RGS6: variants seen among roughly 807,000 people sequenced by gnomAD.
The protein encoded by RGS6 is regulator of G protein signaling 6, also known as regulator of G-protein signaling 6.
A neutral mutation model predicts 78.5 loss-of-function variants in RGS6; 30 were observed. That is an observed-to-expected ratio of 0.38 (90% confidence interval 0.29 to 0.52). RGS6 has a LOEUF of 0.52. Ranked by LOEUF, RGS6 falls within the 20% of genes least tolerant of loss-of-function variation. RGS6 has a pLI of 0.85. For synonymous variants in RGS6, 206 were observed against 206.0 expected (o/e 1.00, Z 0.00); for missense variants, 495 against 609.7 (o/e 0.81, Z 1.98).
chr14:72,567,877 C>T (rs1034646696), downstream of RGS6, among the ~76,000 whole-genome samples: 8 of 152,230 alleles, frequency 5.3e-5, no homozygotes, highest in African/African-American at 1.7e-4. Context: ...GTGGGACTTC[C>T]GACACCTGCA....
intron 2 of RGS6, among the ~76,000 whole-genome samples, chr14:72,136,411 T>C (rs1448883351): frequency 6.6e-6 from 1 of 151,832 alleles, no homozygotes; most frequent in Non-Finnish European, 1.5e-5. Flanking sequence ...GACTGGGTAA[T>C]TTAAAAGGAA....
At chr14:71,949,056 C>G (rs909553114) in intron 1 of RGS6, among the ~76,000 whole-genome samples, 2 of 152,076 alleles carry the variant, frequency 1.3e-5, no homozygotes, top group African/African-American at 4.8e-5. Context: ...ATTCCACAAA[C>G]TATTCATCTA....
the RGS6 span, among the ~76,000 whole-genome samples, chr14:72,572,446 A>G: frequency 6.6e-6 from 1 of 152,262 alleles, no homozygotes; most frequent in African/African-American, 2.4e-5. Flanking sequence ...TATTCATACC[A>G]TGGAATATTA....
intron 3 of RGS6, among the ~76,000 whole-genome samples, chr14:72,355,719 A>C (rs563731033): frequency 3.0e-4 from 46 of 152,284 alleles, no homozygotes; most frequent in South Asian, 1.9e-3. Flanking sequence ...GAAGTGTTGG[A>C]GTGTTGCAGC....
chr14:72,128,265 A>G (rs562333851), intron 2 of RGS6, among the ~76,000 whole-genome samples: 39 of 152,348 alleles, frequency 2.6e-4, no homozygotes, highest in African/African-American at 9.4e-4. Context: ...TTGATTTCAT[A>G]AATATATTCT....
chr14:72,443,735 G>A (rs182603779), intron 3 of RGS6, among the ~76,000 whole-genome samples: 36 of 152,288 alleles, frequency 2.4e-4, no homozygotes, highest in South Asian at 4.1e-4. Flanking sequence ...CCAGAAATAT[G>A]CTCAGCTGCC....
intron 14 of RGS6, among the ~76,000 whole-genome samples, chr14:72,518,124 A>T (rs1455124235): frequency 2.0e-5 from 3 of 152,256 alleles, no homozygotes; most frequent in Non-Finnish European, 4.4e-5. Context: ...TCTGATAACG[A>T]GAAGCACATT....
At chr14:72,368,643 C>A (rs1009933437) in intron 3 of RGS6, among the ~76,000 whole-genome samples, 3 of 152,200 alleles carry the variant, frequency 2.0e-5, no homozygotes, top group African/African-American at 4.8e-5. Context: ...CCAATTCTAT[C>A]TCTTTCTCAC....
intron 2 of RGS6, among the ~76,000 whole-genome samples, chr14:72,220,586 A>G (rs2046638018): frequency 1.3e-5 from 2 of 152,082 alleles, no homozygotes; most frequent in South Asian, 4.1e-4. Context: ...ATTTTGGGAA[A>G]CTCAAGTGGC....
chr14:72,011,824 G>A (rs1026277771), intron 2 of RGS6, among the ~76,000 whole-genome samples: 3 of 152,078 alleles, frequency 2.0e-5, no homozygotes, highest in Non-Finnish European at 4.4e-5. Flanking sequence ...AGGGGTGACT[G>A]TAACTTATTT....
At chr14:72,130,528 G>A (rs1050860833) in intron 2 of RGS6, among the ~76,000 whole-genome samples, 2 of 152,032 alleles carry the variant, frequency 1.3e-5, no homozygotes, top group Admixed American at 1.3e-4. Context: ...CAGCTCAAAG[G>A]GGTTCATTAT....
At chr14:71,948,875 A>G (rs2091944556) in intron 1 of RGS6, among the ~76,000 whole-genome samples, 1 of 150,318 alleles carries the variant, frequency 6.7e-6, no homozygotes, top group African/African-American at 2.4e-5. Context: ...GATTTCTAAC[A>G]CTGTAACTTT....
chr14:71,882,654 G>A, the RGS6 span, among the ~76,000 whole-genome samples: 1 of 152,142 alleles, frequency 6.6e-6, no homozygotes, highest in Admixed American at 6.5e-5. Flanking sequence ...CATTACAATG[G>A]TTCTTGCCCA....
intron 2 of RGS6, among the ~76,000 whole-genome samples, chr14:72,225,306 A>C (rs2047855515): frequency 6.6e-6 from 1 of 152,136 alleles, no homozygotes; most frequent in African/African-American, 2.4e-5. Context: ...ATTTTTAAAA[A>C]AACATTCACT....
intron 2 of RGS6, among the ~76,000 whole-genome samples, chr14:72,326,905 C>G (rs1005195724): frequency 2.0e-5 from 3 of 152,140 alleles, no homozygotes; most frequent in Admixed American, 6.5e-5. Context: ...GATGGGGTTT[C>G]ACTGTGTTAG....
At chr14:71,984,875 GTAA>G (rs2094624687) in intron 2 of RGS6, among the ~76,000 whole-genome samples, 2 of 151,968 alleles carry the variant, frequency 1.3e-5, no homozygotes, top group Non-Finnish European at 2.9e-5. Context: ...CATTTAAAAA[GTAA>G]TAATTCAATT....
chr14:71,927,073 G>C, the RGS6 span, among the ~76,000 whole-genome samples: 5 of 152,282 alleles, frequency 3.3e-5, no homozygotes, highest in South Asian at 1.0e-3. Context: ...ACAAGCTTTG[G>C]GAAGGCAGTG....
chr14:72,076,374 A>C (rs1046933167), intron 2 of RGS6, among the ~76,000 whole-genome samples: 4 of 152,154 alleles, frequency 2.6e-5, no homozygotes, highest in Admixed American at 1.3e-4. Flanking sequence ...ATTGCATTAC[A>C]TGGATGTCCC....
chr14:72,437,811 G>C (rs917162672), intron 3 of RGS6, among the ~76,000 whole-genome samples: 1 of 152,214 alleles, frequency 6.6e-6, no homozygotes, highest in African/African-American at 2.4e-5. Flanking sequence ...GAAGTCACTT[G>C]TCTGGCTGTG....
Sources: allele counts gnomAD v4.1 joint callset (sites outside exome capture counted in the v4.1 genomes callset), GRCh38; gene constraint gnomAD v4.1.1; transcripts MANE v1.5; gene names NCBI Gene and HGNC (gene_info 2026-07-23, HGNC 2026-07-21).